XRCC3: variants seen among roughly 807,000 people sequenced by gnomAD.
The protein encoded by XRCC3 is X-ray repair cross complementing 3, also known as DNA repair protein XRCC3.
In XRCC3, 34 loss-of-function variants were observed where a neutral mutation model predicts 29.2. That is an observed-to-expected ratio of 1.16 (90% CI 0.88 to 1.55). XRCC3 has a LOEUF of 1.55. Ranked by LOEUF, XRCC3 falls within the 40% of genes most tolerant of loss-of-function variation. XRCC3 has a pLI of 0.00. For synonymous variants in XRCC3, 223 were observed against 211.3 expected, an observed-to-expected ratio of 1.06 and a Z score of -0.48; for missense variants, 463 against 467.6, an observed-to-expected ratio of 0.99 and a Z score of 0.09.
chr14:103,712,215 G>C (rs921384462), intron 2 of XRCC3: 1 of 170,770 alleles, frequency 5.9e-6, no homozygotes, highest in African/African-American at 2.4e-5. Flanking sequence ...CCGCGCACCA[G>C]GCTTGGCTCC....
intron 8 of XRCC3, 29 bp from the exon 9 acceptor site, chr14:103,699,208 A>T (rs1489814820): frequency 2.6e-6 from 4 of 1,550,388 alleles, no homozygotes; most frequent in South Asian, 2.3e-5. Flanking sequence ...GGTCAGCTGC[A>T]ACGGCTGAGG....
Position 103,699,127 on chromosome 14 carries a change from A to G in XRCC3, c.821+6T>C, listed in dbSNP as rs749414375. The G allele has an allele frequency of 1.1e-5, 17 of 1,573,198 alleles. No homozygotes were observed. Among genetic ancestry groups the G allele is most frequent in the Non-Finnish European group, 1.3e-5 (15 of 1,160,378 alleles). Reference sequence around the variant, plus strand: ...AGAGGTGCACACACCACATGGCTGCACTCACCCCAGCGGCCCGTGTGCTGC... The same window carrying G: ...AGAGGTGCACACACCACATGGCTGCGCTCACCCCAGCGGCCCGTGTGCTGC... On this transcript the variant is annotated splice_donor_region_variant and intron_variant, in intron 9 of 9. Coordinates refer to ENST00000555055, the MANE Select transcript of XRCC3 (RefSeq NM_005432.4).
At chr14:103,709,420 C>T (rs1442742388) in intron 4 of XRCC3, 1 of 155,066 alleles carries the variant, frequency 6.4e-6, no homozygotes, top group Non-Finnish European at 1.4e-5. Flanking sequence ...ACGAAGCGCC[C>T]CACCCGGCCA....
chr14:103,705,609 G>T (rs1420509239), intron 6 of XRCC3: 2 of 152,424 alleles, frequency 1.3e-5, no homozygotes, highest in South Asian at 2.1e-4. Context: ...TGTGGTCACG[G>T]TGGCCGTGGG....
chr14:103,707,933 G>A (rs547717016), intron 5 of XRCC3: 7 of 213,470 alleles, frequency 3.3e-5, no homozygotes, highest in Non-Finnish European at 5.7e-5. Context: ...CCACAGCACC[G>A]TGTGTGTGGC....
At chr14:103,710,800 A>G (rs925586667) in intron 4 of XRCC3, 3 of 559,712 alleles carry the variant, frequency 5.4e-6, no homozygotes, top group African/African-American at 1.9e-5. Flanking sequence ...GACAATATGC[A>G]TGTATTACTT....
In XRCC3 at chr14:103,707,080, G is replaced by T; in HGVS notation, c.329C>A (p.Ser110Ter). The T allele has an allele frequency of 6.4e-7, 1 of 1,559,540 alleles. No homozygotes were observed. Among genetic ancestry groups the T allele is most frequent in the Non-Finnish European group, 8.7e-7 (1 of 1,153,418 alleles). Residue 110 changes from serine to a stop codon, truncating the protein, a stop_gained, in exon 6 of 10, where the codon TCG (serine) becomes TAG (stop). Coordinates refer to ENST00000555055, the MANE Select transcript of XRCC3 (RefSeq NM_005432.4). LOFTEE classifies it high-confidence loss of function. ...CAGCGCCAGCTGGGTCTTCCCTGCC[G>T]AGCTGCGTCCGGCCAGCTCAGTGAT... ...DGITELAGRS[S>*]AGKTQLALQL...
In XRCC3 at chr14:103,703,221, C is replaced by G. The variant is rs1377110351; in HGVS notation, c.513G>C (p.Gln171His). 1 of 1,568,106 alleles carries G rather than the reference C, an allele frequency of 6.4e-7. No individual in the cohort carries two copies. The highest frequency in any genetic ancestry group is 8.6e-7 in the Non-Finnish European group (1 of 1,156,634). The change falls in exon 7 of 10, where the codon CAG becomes CAC. Residue 171 changes from glutamine (Q) to histidine (H), a missense_variant. By Grantham distance (24) the Gln-to-His change is conservative. Transcript: ENST00000555055. ...AGATCTGGCTGCCAAATCGGAGCTT[C>G]TGAAGCAGCTCTCCTGGAACGTCAG... ...LRTDVPGELLQKLRFGSQIFI... is the reference protein window; with the variant it reads ...LRTDVPGELLHKLRFGSQIFI...
chr14:103,708,895 C>T (rs2083533047), intron 4 of XRCC3: 2 of 532,286 alleles, frequency 3.8e-6, no homozygotes, highest in Non-Finnish European at 3.4e-6. Context: ...GGCACTCGGA[C>T]AGATACCAGC....
Position 103,711,220 on chromosome 14 carries a change from G to T in XRCC3, c.-133C>A. The T allele has an allele frequency of 2.2e-6, 2 of 920,002 alleles. No homozygotes were observed. Among genetic ancestry groups the T allele is most frequent in the Admixed American group, 1.9e-5 (1 of 51,434 alleles). 57.0% of individuals were successfully genotyped at this position (920,002 alleles called of 1,614,324 possible). ...AACCAGGGAAGTGACAGCAGCCGAG[G>T]TGTCCGTGTCATCGGGGCTCTGTCA... is the stretch of plus-strand genomic sequence containing the variant. On this transcript the variant is annotated 5_prime_UTR_variant, in exon 4 of 10. Coordinates refer to ENST00000555055, the MANE Select transcript of XRCC3 (RefSeq NM_005432.4).
chr14:103,715,111 C>T (rs1263342319), intron 1 of XRCC3, among the ~76,000 whole-genome samples: 2 of 152,208 alleles, frequency 1.3e-5, no homozygotes, highest in Non-Finnish European at 2.9e-5. Flanking sequence ...AGCCGCGGGC[C>T]CACCTCGGCC....
At position 103,703,179 on chromosome 14, in the gene XRCC3, G is replaced by A. The variant is rs200230392; in HGVS notation, c.555C>T (p.Ala185=). 3.5e-4 allele frequency: 544 copies of A among 1,569,786 alleles called. 5 individuals are homozygous for A. The East Asian group carries it at 0.011, about 31-fold the overall frequency. Residue 185 remains alanine, a synonymous_variant, in exon 7 of 10, where the codon GCC becomes GCT. Coordinates refer to ENST00000555055, the MANE Select transcript of XRCC3 (RefSeq NM_005432.4). Reference sequence around the variant, plus strand: ...GGGCTTCTCCCACACTCACCACATCGGCCACGTGCTCGATGAAGATCTGGC... The same window carrying A: ...GGGCTTCTCCCACACTCACCACATCAGCCACGTGCTCGATGAAGATCTGGC... ...FGSQIFIEHV[A]DVDTLLECVN... is the part of the protein sequence containing the mutation.
intron 2 of XRCC3, chr14:103,712,079 T>G: frequency 3.5e-6 from 1 of 288,772 alleles, no homozygotes; most frequent in South Asian, 3.2e-5. Context: ...GTCACTCGTA[T>G]GCCCATGTTC....
Position 103,698,585 on chromosome 14 carries a change from C to T in XRCC3, c.*213G>A. 1 of 603,714 alleles carries T rather than the reference C, an allele frequency of 1.7e-6. No individual in the cohort carries two copies. The allele number at this position is 603,714 out of a possible 1,614,324, so 37.4% of individuals were successfully genotyped here. On this transcript the variant is annotated 3_prime_UTR_variant, in exon 10 of 10. Coordinates refer to ENST00000555055, the MANE Select transcript of XRCC3 (RefSeq NM_005432.4). The stretch of plus-strand genomic sequence containing the variant: ...GGTACCCAGCAAGCGGGCCTGTCCC[C>T]AGACCCAGGGAGAGGCAGAACATCC...
At chr14:103,708,748 T>G in intron 4 of XRCC3, 89 bp from the exon 5 acceptor site, 2 of 1,534,144 alleles carry the variant, frequency 1.3e-6, no homozygotes, top group Non-Finnish European at 1.8e-6. Flanking sequence ...TTAAGAGCAC[T>G]GTGAGAGCAC....
At chr14:103,700,664 G>A (rs910431042) in intron 7 of XRCC3, 2 of 1,607,480 alleles carry the variant, frequency 1.2e-6, no homozygotes, top group East Asian at 2.3e-5. Flanking sequence ...GGGCGTCTCT[G>A]GCCGAGCCTC....
chr14:103,703,523 C>T lies in XRCC3; in HGVS notation c.407-196G>A, dbSNP rs930800948. 2.2e-5 allele frequency: 14 copies of T among 649,980 alleles called. No individual in the cohort carries two copies. In the Admixed American group the frequency reaches 2.8e-4, roughly 13 times the overall value. 40.3% of individuals were successfully genotyped at this position (649,980 alleles called of 1,614,324 possible). ...GCAGCCACCTCCGGGGCCAGGTGACCCCTCAGGAGGAATATGGGCTGGGTC... is the reference window on the plus strand; with the variant it reads ...GCAGCCACCTCCGGGGCCAGGTGACTCCTCAGGAGGAATATGGGCTGGGTC... On this transcript the variant is annotated intron_variant, in intron 6 of 9. Transcript: ENST00000555055.
chr14:103,706,355 C>T (rs1410043116), intron 6 of XRCC3: 7 of 455,820 alleles, frequency 1.5e-5, no homozygotes, highest in African/African-American at 1.0e-4. Flanking sequence ...GAGGTGCCAC[C>T]GATGAAAAAA....
In XRCC3 at chr14:103,711,164, C is replaced by T. The variant is rs2083612651; in HGVS notation, c.-77G>A. 2.0e-6 allele frequency: 3 copies of T among 1,537,616 alleles called. No individual in the cohort carries two copies. The Admixed American group carries it at 5.0e-5, about 26-fold the overall frequency. ...CAATGGATGCAAATTCTGAGGCACT[C>T]GCCTTCAATTCAAAGCCTGTGGGAG... On this transcript the variant is annotated 5_prime_UTR_variant, in exon 4 of 10. Coordinates refer to ENST00000555055, the MANE Select transcript of XRCC3 (RefSeq NM_005432.4).
Sources: gnomAD v4.1 joint callset for allele counts (sites outside exome capture counted in the v4.1 genomes callset) on GRCh38, gnomAD v4.1.1 for gene constraint, MANE v1.5 for transcripts, NCBI Gene and HGNC (gene_info 2026-07-23, HGNC 2026-07-21) for gene names.